Variants in EFEMP1 observed in about 807,000 individuals in gnomAD.
EFEMP1 encodes the protein EGF-like fibulin extracellular matrix protein 1, also known as EGF-containing fibulin-like extracellular matrix protein 1.
A neutral mutation model predicts 65.7 loss-of-function variants in EFEMP1; 18 were observed. The observed-to-expected ratio is 0.27, with a 90% CI of 0.19 to 0.41. The LOEUF is 0.41. Among genes scored for constraint, EFEMP1 ranks in the 10% least tolerant of loss-of-function variants. EFEMP1 has a pLI of 1.00. For synonymous variants in EFEMP1, 237 were observed against 219.7 expected (o/e 1.08, Z -0.70); for missense variants, 469 against 624.8 (o/e 0.75, Z 2.66).
chr2:55,888,065 G>A (rs1250246825), intron 5 of EFEMP1, among the ~76,000 whole-genome samples: 1 of 152,138 alleles, frequency 6.6e-6, no homozygotes, highest in Non-Finnish European at 1.5e-5. Context: ...TAATGCATGT[G>A]AACGACCAAT....
chr2:55,876,411 C>T (rs990557262), intron 8 of EFEMP1, among the ~76,000 whole-genome samples: 2 of 152,232 alleles, frequency 1.3e-5, no homozygotes, highest in Middle Eastern at 3.4e-3. Context: ...TAGAGCCAGC[C>T]TGCACCTAAT....
chr2:55,911,012 AC>A (rs1670462609), intron 5 of EFEMP1, among the ~76,000 whole-genome samples: 1 of 152,190 alleles, frequency 6.6e-6, no homozygotes, highest in African/African-American at 2.4e-5. Flanking sequence ...TATAGGTATC[AC>A]TTAGCATCAG....
At position 55,921,647 on chromosome 2, in the gene EFEMP1, G is replaced by T. The variant is rs1324889226; in HGVS notation, c.81+713C>A. ...CTCACCACAACTATTTGTAGCAGTG[G>T]GAGGGGTCAGGTGATCTTTTTAATA... On this transcript the variant is annotated intron_variant, in intron 3 of 11. Transcript: ENST00000355426. The surrounding 1 kb of genome is among the most constrained non-coding windows in gnomAD (Gnocchi z 4.1). 6.6e-6 allele frequency among the ~76,000 whole-genome samples: 1 copy of T among 152,196 alleles called. No homozygotes were observed. Among genetic ancestry groups the T allele is most frequent in the African/African-American group, 2.4e-5 (1 of 41,446 alleles).
At position 55,923,033 on chromosome 2, in the gene EFEMP1, T is replaced by C. The variant is rs2104459637; in HGVS notation, c.-48-94A>G. On this transcript the variant is annotated intron_variant, in intron 1 of 11. Transcript: ENST00000355426. This position sits in a 1 kb window ranked among gnomAD's most constrained non-coding sequence, Gnocchi z 5.3. ...TCGGAGAGCAATCTTCCAGTTCTAG[T>C]AGAATACTAGACCTTCTCACATGTC... 1 of 870,554 alleles carries C rather than the reference T, an allele frequency of 1.1e-6. No homozygotes were observed. The highest frequency in any genetic ancestry group is 1.4e-6 in the Non-Finnish European group (1 of 717,236). 53.9% of individuals were successfully genotyped at this position (870,554 alleles called of 1,614,324 possible).
rs58841515 is a variant in EFEMP1 at position 55,873,066 on chromosome 2, C to CCACACACACACACACACA, written c.1000+1862_1000+1879dup. On this transcript the variant is annotated intron_variant, in intron 9 of 11. Coordinates refer to ENST00000355426, the MANE Select transcript of EFEMP1 (RefSeq NM_001039348.3). This position sits in a 1 kb window ranked among gnomAD's most constrained non-coding sequence, Gnocchi z 4.6. ...TTCTTTTGTCTCTCTGTCTCTCTCT[C>CCACACACACACACACACA]CACACACACACACACACACACACAC... 3.7e-3 allele frequency among the ~76,000 whole-genome samples: 543 copies of CCACACACACACACACACA among 145,384 alleles called. 1 individual carries two copies. The highest frequency in any genetic ancestry group is 9.2e-3 in the African/African-American group (362 of 39,384).
rs531639010 is a variant in EFEMP1, at chr2:55,879,922, CA to C, written c.640+1689del. 8.5e-5 allele frequency among the ~76,000 whole-genome samples: 13 copies of C among 152,272 alleles called. No homozygotes were observed. In the East Asian group the frequency reaches 2.5e-3, roughly 29 times the overall value. ...CATCATAATTTGAGAAGTACTGGCA[CA>C]GGGGAGGAGCAACTAATTATATTTG... On this transcript the variant is annotated intron_variant, in intron 6 of 11. Transcript: ENST00000355426.
intron 5 of EFEMP1, among the ~76,000 whole-genome samples, chr2:55,908,222 A>C (rs1162708766): frequency 6.6e-6 from 1 of 152,222 alleles, no homozygotes; most frequent in Non-Finnish European, 1.5e-5. Flanking sequence ...GAAATGTCCA[A>C]GGTAAGATGG....
At chr2:55,904,612 G>C (rs1178900397) in intron 5 of EFEMP1, among the ~76,000 whole-genome samples, 3 of 152,144 alleles carry the variant, frequency 2.0e-5, no homozygotes, top group Non-Finnish European at 4.4e-5. Context: ...TCTTGAGAGG[G>C]GACATCCATC....
chr2:55,884,466 CCT>C, intron 5 of EFEMP1, among the ~76,000 whole-genome samples: 1 of 152,214 alleles, frequency 6.6e-6, no homozygotes, highest in East Asian at 1.9e-4. Flanking sequence ...AATACCCATC[CCT>C]GTGCAGATGC....
At chr2:55,875,335 T>TACACACACACACAC (rs768780443) in intron 8 of EFEMP1, among the ~76,000 whole-genome samples, 3 of 125,434 alleles carry the variant, frequency 2.4e-5, no homozygotes, top group African/African-American at 9.5e-5. Context: ...GTTTCATATA[T>TACACACACACACAC]ACACACACAC....
rs1266147951 is a variant in EFEMP1, at chr2:55,885,441, A to G, written c.518-3707T>C. On this transcript the variant is annotated intron_variant, in intron 5 of 11. Transcript: ENST00000355426. This position sits in a 1 kb window ranked among gnomAD's most constrained non-coding sequence, Gnocchi z 4.3. ...GATTAGAGAGTCTGGATTGAACAAC[A>G]TAAGGAGTCTCTCTGAACTATGTAG... Among the ~76,000 whole-genome samples, 2 of 152,244 alleles carry G rather than the reference A, an allele frequency of 1.3e-5. No homozygotes were observed. The highest frequency in any genetic ancestry group is 2.1e-4 in the South Asian group (1 of 4,834).
At position 55,903,506 on chromosome 2, in the gene EFEMP1, T is replaced by A. The variant is rs79476318; in HGVS notation, c.517+14159A>T. Among the ~76,000 whole-genome samples the A allele has an allele frequency of 5.5e-4, 84 of 152,288 alleles. 1 individual carries two copies. In the East Asian group the frequency reaches 0.016, roughly 29 times the overall value. On this transcript the variant is annotated intron_variant, in intron 5 of 11. Transcript: ENST00000355426. ...AACCAGGGAGCTTGTTAGAAATGTATAATGTCATGCCTTAACCCAGACCTA... is the reference window on the plus strand; with the variant it reads ...AACCAGGGAGCTTGTTAGAAATGTAAAATGTCATGCCTTAACCCAGACCTA...
chr2:55,898,002 G>A (rs1382487961), intron 5 of EFEMP1, among the ~76,000 whole-genome samples: 1 of 152,154 alleles, frequency 6.6e-6, no homozygotes, highest in Non-Finnish European at 1.5e-5. Context: ...CCTTAAACAT[G>A]CTAAAATAAG....
At chr2:55,909,459 T>C (rs1275466236) in intron 5 of EFEMP1, among the ~76,000 whole-genome samples, 1 of 152,166 alleles carries the variant, frequency 6.6e-6, no homozygotes, top group Non-Finnish European at 1.5e-5. Context: ...AAACACACTG[T>C]TTCTGGGGAC....
At chr2:55,910,959 C>A (rs1670459104) in intron 5 of EFEMP1, among the ~76,000 whole-genome samples, 1 of 152,116 alleles carries the variant, frequency 6.6e-6, no homozygotes, top group Non-Finnish European at 1.5e-5. Flanking sequence ...TGCCTCATCT[C>A]ACAAGTTTGT....
At chr2:55,912,168 T>C (rs1670503215) in intron 5 of EFEMP1, among the ~76,000 whole-genome samples, 1 of 152,172 alleles carries the variant, frequency 6.6e-6, no homozygotes. Flanking sequence ...AAGGTTAACA[T>C]CATAATTTAC....
chr2:55,895,423 C>A (rs566886515), intron 5 of EFEMP1, among the ~76,000 whole-genome samples: 160 of 152,340 alleles, frequency 1.1e-3, no homozygotes, highest in East Asian at 9.6e-4. Context: ...GTCCGTAAGC[C>A]TCCCTCTAAA....
rs1048045263 is a variant in EFEMP1, at chr2:55,902,203, T to C, written c.517+15462A>G. Among the ~76,000 whole-genome samples, 3 of 152,240 alleles carry C rather than the reference T, an allele frequency of 2.0e-5. 1 individual carries two copies. The highest frequency in any genetic ancestry group is 6.3e-3 in the Middle Eastern group (2 of 316). On this transcript the variant is annotated intron_variant, in intron 5 of 11. Transcript: ENST00000355426. ...ATGCAGTAACAGATTAACTAGCACATAGACTTCCTTATGGTTCATATGTGA... is the reference window on the plus strand; with the variant it reads ...ATGCAGTAACAGATTAACTAGCACACAGACTTCCTTATGGTTCATATGTGA...
At chr2:55,880,206 A>G (rs955867810) in intron 6 of EFEMP1, among the ~76,000 whole-genome samples, 1 of 152,094 alleles carries the variant, frequency 6.6e-6, no homozygotes, top group Non-Finnish European at 1.5e-5. Context: ...TGCTCTGTCG[A>G]GGAATGTAGA....
Sources: gnomAD v4.1 joint callset for allele counts (sites outside exome capture counted in the v4.1 genomes callset) on GRCh38, gnomAD v4.1.1 for gene constraint, Gnocchi (gnomAD v3.1) non-coding constraint, MANE v1.5 for transcripts, NCBI Gene and HGNC (gene_info 2026-07-23, HGNC 2026-07-21) for gene names.